The following DCAF7 variants were observed in gnomAD, a reference collection of about 807,000 sequenced individuals.
DCAF7 encodes DDB1 and CUL4 associated factor 7.
Under a neutral mutation model 41.2 loss-of-function variants are expected in DCAF7, and 4 were observed. The observed-to-expected ratio is 0.10, with a 90% confidence interval of 0.05 to 0.22. The LOEUF (loss-of-function observed/expected upper bound fraction) is 0.22. DCAF7 is among the 10% of genes least tolerant of loss of function. The pLI is 1.00. For synonymous variants in DCAF7, 143 were observed against 164.2 expected (o/e 0.87, Z 0.99); for missense variants, 131 against 443.2 (o/e 0.30, Z 6.32).
chr17:63,552,129 G>T (rs947362982), intron 1 of DCAF7, among the ~76,000 whole-genome samples: 8 of 152,008 alleles, frequency 5.3e-5, no homozygotes, highest in Non-Finnish European at 1.2e-4. Flanking sequence ...ATGCAGGGGG[G>T]AAGAAACCAG....
rs116061112 is a variant in DCAF7 at position 63,584,192 on chromosome 17, G to A, written c.738+481G>A. Among the ~76,000 whole-genome samples the A allele has an allele frequency of 5.1e-3, 783 of 152,330 alleles. 10 individuals are homozygous for A. Among genetic ancestry groups the A allele is most frequent in the African/African-American group, 0.018 (737 of 41,578 alleles). ...ATGTAGAAATGGCAGCCCTCTGGCC[G>A]GGCGCTCTGGGTCACGCCTGTAATC... On this transcript the variant is annotated intron_variant, in intron 5 of 6. Coordinates refer to ENST00000614556, the MANE Select transcript of DCAF7 (RefSeq NM_005828.5).
chr17:63,579,107 TCTC>T (rs1016886025), intron 2 of DCAF7, among the ~76,000 whole-genome samples: 32 of 152,044 alleles, frequency 2.1e-4, no homozygotes, highest in Admixed American at 1.4e-3. Context: ...TGAGAAGACC[TCTC>T]CTCTAGGAAG....
At chr17:63,559,351 A>ATG in intron 1 of DCAF7, among the ~76,000 whole-genome samples, 1 of 132,530 alleles carries the variant, frequency 7.5e-6, no homozygotes, top group African/African-American at 3.1e-5. Flanking sequence ...ATATATACGT[A>ATG]TATATATGTA....
At chr17:63,571,865 CAG>C (rs974882717) in intron 1 of DCAF7, among the ~76,000 whole-genome samples, 1 of 151,912 alleles carries the variant, frequency 6.6e-6, no homozygotes, top group African/African-American at 2.4e-5. Flanking sequence ...CTTACTGAAT[CAG>C]AATCTTAGGC....
Position 63,586,997 on chromosome 17 carries a change from A to G in DCAF7, c.856+1669A>G, listed in dbSNP as rs187852910. Among the ~76,000 whole-genome samples the G allele has an allele frequency of 2.3e-3, 344 of 152,256 alleles. 3 individuals are homozygous for G. Among genetic ancestry groups the G allele is most frequent in the Admixed American group, 5.9e-3 (91 of 15,296 alleles). On this transcript the variant is annotated intron_variant, in intron 6 of 6. Coordinates refer to ENST00000614556, the MANE Select transcript of DCAF7 (RefSeq NM_005828.5). ...GGTATACTTTCAGGGATGTACATCT[A>G]TGCCCCCAAATACAACTATATACTT...
intron 1 of DCAF7, among the ~76,000 whole-genome samples, chr17:63,578,096 C>G (rs1568103473): frequency 6.6e-6 from 1 of 152,138 alleles, no homozygotes; most frequent in Non-Finnish European, 1.5e-5. Context: ...GGCATAGTGA[C>G]TCATGTCTGT....
intron 6 of DCAF7, among the ~76,000 whole-genome samples, chr17:63,586,742 CAG>C (rs2033681113): frequency 6.7e-6 from 1 of 150,076 alleles, no homozygotes; most frequent in Non-Finnish European, 1.5e-5. Context: ...AGCCTGGTGA[CAG>C]AGTGAGACCC....
intron 6 of DCAF7, among the ~76,000 whole-genome samples, chr17:63,585,731 A>G (rs937230951): frequency 6.6e-6 from 1 of 152,204 alleles, no homozygotes; most frequent in Non-Finnish European, 1.5e-5. Flanking sequence ...ACAAACCCAC[A>G]GTGTGCTCTG....
intron 1 of DCAF7, among the ~76,000 whole-genome samples, chr17:63,572,337 C>T (rs974762439): frequency 3.9e-5 from 6 of 151,996 alleles, no homozygotes; most frequent in Admixed American, 6.6e-5. Context: ...TCCACTGTGC[C>T]GTATTAACAT....
At chr17:63,576,086 A>G (rs1243381255) in intron 1 of DCAF7, among the ~76,000 whole-genome samples, 1 of 152,204 alleles carries the variant, frequency 6.6e-6, no homozygotes, top group Non-Finnish European at 1.5e-5. Context: ...GGGTCAAGGT[A>G]ATGCAAAGGA....
rs552736899 is a variant in DCAF7 at position 63,566,463 on chromosome 17, T to G, written c.139-12007T>G. Among the ~76,000 whole-genome samples the G allele has an allele frequency of 1.2e-4, 19 of 152,048 alleles. No individual in the cohort carries two copies. The South Asian group carries it at 3.5e-3, about 28-fold the overall frequency. On this transcript the variant is annotated intron_variant, in intron 1 of 6. Transcript: ENST00000614556. Reference sequence around the variant, plus strand: ...AAATAAATGAGTAAGAGTAGTAGTATTAGCAAAAGTAGAGTAGTATTGTAT... The same window carrying G: ...AAATAAATGAGTAAGAGTAGTAGTAGTAGCAAAAGTAGAGTAGTATTGTAT...
At position 63,582,762 on chromosome 17, in the gene DCAF7, G is replaced by A. The variant is rs188300824; in HGVS notation, c.529-740G>A. Among the ~76,000 whole-genome samples the A allele has an allele frequency of 7.9e-5, 12 of 152,164 alleles. No individual in the cohort carries two copies. In the East Asian group the frequency reaches 1.3e-3, roughly 17 times the overall value. On this transcript the variant is annotated intron_variant, in intron 4 of 6. Transcript: ENST00000614556. ...GGGATTACAGGTGTAATCCGCACCCGGCCTTCGTCCTTTCTCTGAAGCTCT... is the reference window on the plus strand; with the variant it reads ...GGGATTACAGGTGTAATCCGCACCCAGCCTTCGTCCTTTCTCTGAAGCTCT...
At chr17:63,559,375 G>A (rs1184918205) in intron 1 of DCAF7, among the ~76,000 whole-genome samples, 8 of 81,172 alleles carry the variant, frequency 9.9e-5, no homozygotes, top group African/African-American at 3.9e-4. Flanking sequence ...ATATATATAT[G>A]TGTATATATA....
intron 1 of DCAF7, among the ~76,000 whole-genome samples, chr17:63,552,773 A>G (rs2033271300): frequency 6.8e-6 from 1 of 146,938 alleles, no homozygotes; most frequent in African/African-American, 2.7e-5. Context: ...GGAGTAGTCA[A>G]ACTGCTGTTG....
At chr17:63,588,963 A>G (rs938880360) in intron 6 of DCAF7, 37 bp from the exon 7 acceptor site, 2 of 1,580,442 alleles carry the variant, frequency 1.3e-6, no homozygotes, top group African/African-American at 2.7e-5. Context: ...GCATTGCCTC[A>G]CTTGTGACCT....
chr17:63,571,525 TTG>T (rs992484743), intron 1 of DCAF7, among the ~76,000 whole-genome samples: 5 of 152,200 alleles, frequency 3.3e-5, no homozygotes, highest in African/African-American at 1.2e-4. Context: ...TTTTAATTTT[TTG>T]TGTGTGGGGG....
chr17:63,575,696 G>A (rs1279710653), intron 1 of DCAF7, among the ~76,000 whole-genome samples: 4 of 152,068 alleles, frequency 2.6e-5, no homozygotes, highest in Non-Finnish European at 5.9e-5. Context: ...TGAAAAAAAA[G>A]AACTTAAAAA....
intron 6 of DCAF7, among the ~76,000 whole-genome samples, chr17:63,588,595 G>A (rs893592383): frequency 6.6e-6 from 1 of 151,976 alleles, no homozygotes; most frequent in African/African-American, 2.4e-5. Flanking sequence ...GGGAAGAAAC[G>A]CTCTCATTAT....
chr17:63,582,545 T>A (rs976927046), intron 4 of DCAF7, among the ~76,000 whole-genome samples: 1 of 152,000 alleles, frequency 6.6e-6, no homozygotes, highest in Non-Finnish European at 1.5e-5. Context: ...CTCAGCTCAC[T>A]GTAATCTCCG....
Sources: gnomAD v4.1 joint callset for allele counts (sites outside exome capture counted in the v4.1 genomes callset) on GRCh38, gnomAD v4.1.1 for gene constraint, MANE v1.5 for transcripts, NCBI Gene and HGNC (gene_info 2026-07-23, HGNC 2026-07-21) for gene names.